C12orf42: variants seen among roughly 807,000 people sequenced by gnomAD.
C12orf42 encodes the protein uncharacterized protein C12orf42.
C12orf42 carries 25 observed loss-of-function variants against 21.6 expected under a neutral mutation model. The ratio of observed to expected loss-of-function variants is 1.16; its 90% CI spans 0.84 to 1.62. C12orf42 has a LOEUF of 1.62. Ranked by LOEUF, C12orf42 falls within the 40% of genes most tolerant of loss-of-function variation. The pLI is 0.00. For missense variants in C12orf42, 483 were observed against 459.3 expected (o/e 1.05, Z -0.47); for synonymous variants, 174 against 175.0 (o/e 0.99, Z 0.05).
the C12orf42 span, among the ~76,000 whole-genome samples, chr12:103,213,628 G>T: frequency 6.6e-6 from 1 of 152,202 alleles, no homozygotes; most frequent in Non-Finnish European, 1.5e-5. Context: ...TCTTCGTGCA[G>T]TTGTACCATC....
At chr12:103,378,264 A>G (rs1386073604) in intron 3 of C12orf42, among the ~76,000 whole-genome samples, 3 of 150,214 alleles carry the variant, frequency 2.0e-5, no homozygotes, top group Admixed American at 6.6e-5. Flanking sequence ...ACCATGTTTG[A>G]CCAGATACCC....
Position 103,302,330 on chromosome 12 carries a change from C to T in C12orf42, c.861G>A (p.Lys287=). ...AVAMAPEMLP[K]HPHTPRDRRP... is the part of the protein sequence containing the mutation. ...TCCTGTCCCGCGGGGTATGAGGATG[C>T]TTGGGGAGCATCTCCGGCGCCATGG... is the stretch of plus-strand genomic sequence containing the variant. Residue 287 remains lysine, a synonymous_variant, in exon 6 of 6, where the codon AAG becomes AAA. Transcript: ENST00000548883. 6.2e-7 allele frequency: 1 copy of T among 1,613,968 alleles called. No individual in the cohort carries two copies. Among genetic ancestry groups the T allele is most frequent in the East Asian group, 2.2e-5 (1 of 44,876 alleles).
the C12orf42 span, among the ~76,000 whole-genome samples, chr12:103,163,348 G>A: frequency 6.6e-6 from 1 of 152,138 alleles, no homozygotes; most frequent in Non-Finnish European, 1.5e-5. Context: ...AAGGAATCAG[G>A]TAGCCAACTA....
the C12orf42 span, among the ~76,000 whole-genome samples, chr12:103,125,411 G>A: frequency 6.6e-6 from 1 of 152,140 alleles, no homozygotes; most frequent in Non-Finnish European, 1.5e-5. Context: ...GACTCCATAG[G>A]ACCCTCTCCT....
intron 5 of C12orf42, chr12:103,274,008 GC>G (rs1463514964): frequency 2.3e-6 from 1 of 443,170 alleles, no homozygotes; most frequent in Non-Finnish European, 4.6e-6. Context: ...GCCCTGTCCT[GC>G]TTTTTTAGTT....
chr12:103,322,101 ACGCG>A (rs1409445205), intron 4 of C12orf42, among the ~76,000 whole-genome samples: 5 of 115,406 alleles, frequency 4.3e-5, no homozygotes, highest in African/African-American at 2.1e-4. Flanking sequence ...TCAGATGTGC[ACGCG>A]CGTGCGTGCG....
At chr12:103,421,815 T>C (rs1380318168) in intron 2 of C12orf42, among the ~76,000 whole-genome samples, 1 of 152,122 alleles carries the variant, frequency 6.6e-6, no homozygotes, top group Non-Finnish European at 1.5e-5. Flanking sequence ...AGATACAAAT[T>C]AACTGCTAAA....
the C12orf42 span, chr12:103,557,399 C>T: frequency 6.6e-6 from 1 of 152,114 alleles, no homozygotes. Context: ...ATGTTATTTC[C>T]TCTGCATAGC....
intron 1 of C12orf42, among the ~76,000 whole-genome samples, chr12:103,489,379 G>A (rs1357432969): frequency 2.0e-5 from 3 of 152,214 alleles, no homozygotes; most frequent in Non-Finnish European, 2.9e-5. Flanking sequence ...CTAATGGGAG[G>A]TGTCTCCCAG....
At chr12:103,137,046 G>T in the C12orf42 span, among the ~76,000 whole-genome samples, 36 of 152,236 alleles carry the variant, frequency 2.4e-4, no homozygotes, top group Non-Finnish European at 4.6e-4. Flanking sequence ...AAACTAAAAA[G>T]CTGCTGCACA....
At chr12:103,263,759 T>C (rs765006809), downstream of C12orf42, among the ~76,000 whole-genome samples, 1 of 152,222 alleles carries the variant, frequency 6.6e-6, no homozygotes, top group African/African-American at 2.4e-5. Flanking sequence ...TGATCCAGTC[T>C]GTCACACTCC....
At chr12:103,448,996 CAT>C (rs1386573998) in intron 2 of C12orf42, among the ~76,000 whole-genome samples, 1 of 151,938 alleles carries the variant, frequency 6.6e-6, no homozygotes, top group African/African-American at 2.4e-5. Context: ...CTTGCACACA[CAT>C]GTTTATAGCA....
At chr12:103,196,733 G>A in the C12orf42 span, among the ~76,000 whole-genome samples, 4 of 151,824 alleles carry the variant, frequency 2.6e-5, no homozygotes, top group Non-Finnish European at 4.4e-5. Context: ...TCTGAAACAA[G>A]AATAGCGACC....
At chr12:103,099,482 A>G in the C12orf42 span, among the ~76,000 whole-genome samples, 2 of 152,354 alleles carry the variant, frequency 1.3e-5, no homozygotes, top group Non-Finnish European at 1.5e-5. Flanking sequence ...GAAGACATTC[A>G]GAGGCCAGGA....
chr12:103,203,324 A>C, the C12orf42 span, among the ~76,000 whole-genome samples: 1 of 152,120 alleles, frequency 6.6e-6, no homozygotes, highest in African/African-American at 2.4e-5. Flanking sequence ...TAGTTCCTTT[A>C]GTGTTTTGTT....
At chr12:103,103,379 C>T in the C12orf42 span, among the ~76,000 whole-genome samples, 2 of 152,184 alleles carry the variant, frequency 1.3e-5, no homozygotes, top group South Asian at 4.1e-4. Flanking sequence ...TAAGGATCTT[C>T]CTTAACTGTT....
At chr12:103,192,977 G>A in the C12orf42 span, among the ~76,000 whole-genome samples, 3 of 152,106 alleles carry the variant, frequency 2.0e-5, no homozygotes, top group Non-Finnish European at 2.9e-5. Flanking sequence ...CTCCAGGACA[G>A]ATCACATGCT....
At chr12:103,347,414 A>G (rs1283471283) in intron 4 of C12orf42, among the ~76,000 whole-genome samples, 3 of 152,142 alleles carry the variant, frequency 2.0e-5, no homozygotes, top group Admixed American at 1.3e-4. Flanking sequence ...ATAGTATTCC[A>G]TGGTGTATAT....
chr12:103,385,303 G>T (rs577050740), intron 3 of C12orf42, among the ~76,000 whole-genome samples: 1 of 152,142 alleles, frequency 6.6e-6, no homozygotes, highest in African/African-American at 2.4e-5. Flanking sequence ...CATTGTGTGG[G>T]GTTTTATTGT....
Sources: gnomAD v4.1 joint callset for allele counts (sites outside exome capture counted in the v4.1 genomes callset) on GRCh38, gnomAD v4.1.1 for gene constraint, MANE v1.5 for transcripts, NCBI Gene and HGNC (gene_info 2026-07-23, HGNC 2026-07-21) for gene names.